ARHGEF12: variants seen among roughly 807,000 people sequenced by gnomAD.
ARHGEF12 encodes Rho guanine nucleotide exchange factor 12, also known as KMT2A/ARHGEF12 fusion protein.
In ARHGEF12, 66 loss-of-function variants were observed where a neutral mutation model predicts 211.2. The observed-to-expected ratio is 0.31, with a 90% CI of 0.26 to 0.38. ARHGEF12 has a LOEUF of 0.38. Among genes scored for constraint, ARHGEF12 ranks in the 10% least tolerant of loss-of-function variants. The pLI, the probability that ARHGEF12 is intolerant of heterozygous loss-of-function variation, is 1.00. For missense variants in ARHGEF12, 1,429 were observed against 1,869.5 expected, an observed-to-expected ratio of 0.76 and a Z score of 4.34; for synonymous variants, 592 against 638.4, an observed-to-expected ratio of 0.93 and a Z score of 1.09.
intron 11 of ARHGEF12, among the ~76,000 whole-genome samples, chr11:120,435,374 G>A (rs756620276): frequency 1.3e-5 from 2 of 151,992 alleles, no homozygotes; most frequent in Non-Finnish European, 2.9e-5. Context: ...GTTGTTATTT[G>A]GAATAATTCA....
At chr11:120,356,109 A>C (rs373089258) in intron 1 of ARHGEF12, among the ~76,000 whole-genome samples, 2 of 152,258 alleles carry the variant, frequency 1.3e-5, no homozygotes, top group African/African-American at 4.8e-5. Context: ...GGAGCAATCT[A>C]TCAGTATGAC....
At chr11:120,457,964 C>T in intron 24 of ARHGEF12, 116 bp from the exon 25 acceptor site, 1 of 1,295,538 alleles carries the variant, frequency 7.7e-7, no homozygotes, top group South Asian at 1.4e-5. Flanking sequence ...GATGAAATTT[C>T]AGTGCTAAGT....
rs150359599 is a variant in ARHGEF12, at chr11:120,415,607, A to G, written c.200-5146A>G. Among the ~76,000 whole-genome samples the G allele has an allele frequency of 1.8e-3, 273 of 152,322 alleles. 3 individuals carry two copies. The highest frequency in any genetic ancestry group is 6.1e-3 in the African/African-American group (252 of 41,576). On this transcript the variant is annotated intron_variant, in intron 4 of 40. Transcript: ENST00000397843. ...AAACAGCTTCTGGTCAACAAATAGA[A>G]TATTTCTCTGAAGAAAAAGGGAAAA... is the stretch of plus-strand genomic sequence containing the variant.
In ARHGEF12 at chr11:120,429,776, A is replaced by G; in HGVS notation, c.728A>G (p.Lys243Arg). 6.2e-7 allele frequency: 1 copy of G among 1,613,976 alleles called. No homozygotes were observed. The highest frequency in any genetic ancestry group is 1.1e-5 in the South Asian group (1 of 91,058). Residue 243 changes from lysine to arginine, a missense_variant, in exon 10 of 41, where the codon AAG becomes AGG. Around this residue, in one of 7 missense-constraint regions of ARHGEF12, gnomAD observed 254 missense variants for 286.4 expected, o/e 0.89. Transcript: ENST00000397843. ...TTGCTAAAAGAGATCCAAGAGGCCA[A>G]GAAACACATTCCTCAGCTGCAAGAG... ...QRLLKEIQEA[K>R]KHIPQLQEQL...
chr11:120,395,472 T>TA (rs1944354715), intron 1 of ARHGEF12, among the ~76,000 whole-genome samples: 1 of 152,202 alleles, frequency 6.6e-6, no homozygotes, highest in South Asian at 2.1e-4. Context: ...TAGATACAGA[T>TA]ATATGGATAG....
chr11:120,419,840 A>G (rs1744309063), intron 4 of ARHGEF12, among the ~76,000 whole-genome samples: 1 of 152,072 alleles, frequency 6.6e-6, no homozygotes, highest in African/African-American at 2.4e-5. Flanking sequence ...TGTTTTATAT[A>G]TTGACTTCGG....
At chr11:120,367,887 GCTTGAGCCTGGGAGGTTGA>G (rs770480664) in intron 1 of ARHGEF12, among the ~76,000 whole-genome samples, 34 of 151,630 alleles carry the variant, frequency 2.2e-4, no homozygotes, top group Non-Finnish European at 4.1e-4. Flanking sequence ...TGGGAGGATT[GCTTGAGCCTGGGAGGTTGA>G]GGAGGTTGAA....
chr11:120,368,263 C>T (rs1943486822), intron 1 of ARHGEF12, among the ~76,000 whole-genome samples: 1 of 152,190 alleles, frequency 6.6e-6, no homozygotes, highest in East Asian at 1.9e-4. Flanking sequence ...TGACTAAAAT[C>T]CTTAGTAGCT....
intron 1 of ARHGEF12, among the ~76,000 whole-genome samples, chr11:120,371,381 G>C (rs1031469254): frequency 6.6e-6 from 1 of 152,174 alleles, no homozygotes; most frequent in African/African-American, 2.4e-5. Context: ...CCAGCTACTC[G>C]GGAGGCTGAG....
intron 1 of ARHGEF12, 29 bp downstream of exon 1, chr11:120,337,304 C>G: frequency 1.2e-6 from 2 of 1,613,762 alleles, no homozygotes; most frequent in East Asian, 2.2e-5. Flanking sequence ...TTCGTTCGGC[C>G]TCCCGGAATC....
intron 4 of ARHGEF12, among the ~76,000 whole-genome samples, chr11:120,419,197 TG>T (rs1945113629): frequency 6.6e-6 from 1 of 152,176 alleles, no homozygotes; most frequent in Admixed American, 6.5e-5. Context: ...CCTGACCTCA[TG>T]ATCCGCCCTT....
At position 120,451,569 on chromosome 11, in the gene ARHGEF12, C is replaced by T. The variant is rs541058043; in HGVS notation, c.1901C>T (p.Ser634Leu). ...ARHPKHLSTPSSVSPEPQDSA... is the reference protein window; with the variant it reads ...ARHPKHLSTPLSVSPEPQDSA... ...CACCCTAAGCACTTATCCACACCCTCATCTGTGAGTCCTGAACCTCAGGAC... is the reference window on the plus strand; with the variant it reads ...CACCCTAAGCACTTATCCACACCCTTATCTGTGAGTCCTGAACCTCAGGAC... The change falls in exon 22 of 41, where the codon TCA becomes TTA. Residue 634 changes from serine to leucine, a missense_variant. Coordinates refer to ENST00000397843, the MANE Select transcript of ARHGEF12 (RefSeq NM_015313.3). The T allele has an allele frequency of 1.9e-6, 3 of 1,614,216 alleles. No homozygotes were observed. The highest frequency in any genetic ancestry group is 1.3e-5 in the African/African-American group (1 of 75,048).
At chr11:120,461,462 GT>G (rs1432318369) in intron 27 of ARHGEF12, among the ~76,000 whole-genome samples, 2 of 151,892 alleles carry the variant, frequency 1.3e-5, no homozygotes, top group Non-Finnish European at 2.9e-5. Flanking sequence ...AGGCTTTGTT[GT>G]TTCATTTATA....
At chr11:120,348,118 A>G (rs953116358) in intron 1 of ARHGEF12, among the ~76,000 whole-genome samples, 10 of 152,212 alleles carry the variant, frequency 6.6e-5, no homozygotes, top group Non-Finnish European at 1.5e-4. Flanking sequence ...TTCAGAGTCC[A>G]TGTAGGAACT....
In ARHGEF12 at chr11:120,471,697, C is replaced by T. The variant is rs570576865; in HGVS notation, c.2956-1353C>T. Reference sequence around the variant, plus strand: ...TCTGTAATTTATTTTGAAATGCATCCAAAAAATAAGATGGACTGATGGATA... The same window carrying T: ...TCTGTAATTTATTTTGAAATGCATCTAAAAAATAAGATGGACTGATGGATA... On this transcript the variant is annotated intron_variant, in intron 30 of 40. Coordinates refer to ENST00000397843, the MANE Select transcript of ARHGEF12 (RefSeq NM_015313.3). 5.9e-5 allele frequency among the ~76,000 whole-genome samples: 9 copies of T among 151,848 alleles called. No individual in the cohort carries two copies. The South Asian group carries it at 1.9e-3, about 32-fold the overall frequency.
chr11:120,485,048 G>A lies in ARHGEF12; in HGVS notation c.4625-19G>A. 1 of 1,611,716 alleles carries A rather than the reference G, an allele frequency of 6.2e-7. No individual in the cohort carries two copies. The highest frequency in any genetic ancestry group is 1.1e-5 in the South Asian group (1 of 90,884). ...TTCTTTTTCTTAATATCATTTCCAT[G>A]TATCTTTATTCTTCTCAGATAAAAG... On this transcript the variant is annotated intron_variant, in intron 40 of 40. Transcript: ENST00000397843.
chr11:120,406,593 C>A (rs1004009888), intron 2 of ARHGEF12, among the ~76,000 whole-genome samples: 1 of 152,226 alleles, frequency 6.6e-6, no homozygotes. Flanking sequence ...GGATCTCACT[C>A]TGTTGCCCAG....
intron 1 of ARHGEF12, among the ~76,000 whole-genome samples, chr11:120,356,094 G>A (rs1164255785): frequency 6.6e-6 from 1 of 152,178 alleles, no homozygotes; most frequent in Non-Finnish European, 1.5e-5. Flanking sequence ...ATGTGATTCA[G>A]GCTAGGAGCA....
At chr11:120,385,335 A>T in intron 1 of ARHGEF12, 1 of 985,382 alleles carries the variant, frequency 1.0e-6, no homozygotes, top group Non-Finnish European at 1.2e-6. Context: ...TCATCTGACA[A>T]ATGCCTTTCC....
Sources: gnomAD v4.1 joint callset for allele counts (sites outside exome capture counted in the v4.1 genomes callset) on GRCh38, gnomAD v4.1.1 for gene constraint, gnomAD v4.1.1 regional missense constraint, MANE v1.5 for transcripts, NCBI Gene and HGNC (gene_info 2026-07-23, HGNC 2026-07-21) for gene names.